NXN: variants seen among roughly 807,000 people sequenced by gnomAD.
NXN encodes the protein nucleoredoxin 1.
NXN carries 16 observed loss-of-function variants against 48.6 expected under a neutral mutation model. The observed-to-expected ratio is 0.33, with a 90% CI of 0.22 to 0.50. The LOEUF (loss-of-function observed/expected upper bound fraction) is 0.50, where lower values mean the gene tolerates loss of function less well. Among genes scored for constraint, NXN ranks in the 20% least tolerant of loss-of-function variants. NXN has a pLI of 0.98. For missense variants in NXN, 492 were observed against 605.5 expected, an observed-to-expected ratio of 0.81 and a Z score of 1.97; for synonymous variants, 281 against 269.6, an observed-to-expected ratio of 1.04 and a Z score of -0.41.
intron 5 of NXN, among the ~76,000 whole-genome samples, chr17:815,141 G>C (rs888876637): frequency 2.0e-5 from 3 of 152,224 alleles, no homozygotes; most frequent in African/African-American, 7.2e-5. Context: ...GAAATTCAAA[G>C]TATACAAAAG....
chr17:816,332 T>C (rs1302199568), intron 5 of NXN, among the ~76,000 whole-genome samples: 1 of 127,472 alleles, frequency 7.8e-6, no homozygotes, highest in Non-Finnish European at 1.6e-5. Flanking sequence ...CCCCCAGACC[T>C]TCACTGTCCC....
intron 1 of NXN, among the ~76,000 whole-genome samples, chr17:885,825 C>T (rs1428089728): frequency 8.7e-5 from 13 of 149,872 alleles, no homozygotes; most frequent in South Asian, 6.4e-4. Flanking sequence ...GGACTACAGG[C>T]GCCCGCCACC....
At position 920,812 on chromosome 17, in the gene NXN, T is replaced by C. The variant is rs1202323977; in HGVS notation, c.360+58507A>G. Among the ~76,000 whole-genome samples, 1 of 150,638 alleles carries C rather than the reference T, an allele frequency of 6.6e-6. No homozygotes were observed. Among genetic ancestry groups the C allele is most frequent in the Non-Finnish European group, 1.5e-5 (1 of 67,720 alleles). Reference sequence around the variant, plus strand: ...ATCTCGGCTCGCTGCAACCTCTGCCTCCCGGGTTCAAGCGATTCTCTTGCC... The same window carrying C: ...ATCTCGGCTCGCTGCAACCTCTGCCCCCCGGGTTCAAGCGATTCTCTTGCC... On this transcript the variant is annotated intron_variant, in intron 1 of 7. Coordinates refer to ENST00000336868, the MANE Select transcript of NXN (RefSeq NM_022463.5). The surrounding 1 kb of genome is among the most constrained non-coding windows in gnomAD (Gnocchi z 4.6).
At chr17:835,464 G>A (rs145262652) in intron 1 of NXN, among the ~76,000 whole-genome samples, 6 of 152,158 alleles carry the variant, frequency 3.9e-5, no homozygotes, top group African/African-American at 9.6e-5. Flanking sequence ...AAATGGAAAC[G>A]GATGACAAAG....
chr17:855,531 G>C (rs988224470), intron 1 of NXN, among the ~76,000 whole-genome samples: 9 of 152,166 alleles, frequency 5.9e-5, no homozygotes, highest in African/African-American at 1.9e-4. Flanking sequence ...TTCACGAACA[G>C]GTTTGTTGAA....
Position 863,111 on chromosome 17 carries a change from C to T in NXN, c.361-37033G>A, listed in dbSNP as rs532979876. ...AGTCCCACAATCAGCCCAGCAGAGCCTGAGTGTAGGAAAAACCAGCCTCTG... is the reference window on the plus strand; with the variant it reads ...AGTCCCACAATCAGCCCAGCAGAGCTTGAGTGTAGGAAAAACCAGCCTCTG... On this transcript the variant is annotated intron_variant, in intron 1 of 7. Coordinates refer to ENST00000336868, the MANE Select transcript of NXN (RefSeq NM_022463.5). Among the ~76,000 whole-genome samples, 121 of 152,272 alleles carry T rather than the reference C, an allele frequency of 7.9e-4. 2 individuals are homozygous for T. In the South Asian group the frequency reaches 0.024, roughly 30 times the overall value.
In NXN at chr17:822,474, C is replaced by T. The variant is rs751728110; in HGVS notation, c.613-17G>A. On this transcript the variant is annotated splice_polypyrimidine_tract_variant and intron_variant, in intron 3 of 7. Transcript: ENST00000336868. ...GGGCGGACACTGAAAGACAGGACAG[C>T]AAGACCCGCTGCGTCACGCTGCTTC... 5.7e-6 allele frequency: 9 copies of T among 1,591,658 alleles called. No homozygotes were observed. Among genetic ancestry groups the T allele is most frequent in the African/African-American group, 1.3e-5 (1 of 74,434 alleles).
intron 1 of NXN, among the ~76,000 whole-genome samples, chr17:915,684 G>A (rs191942027): frequency 6.6e-6 from 1 of 152,266 alleles, no homozygotes; most frequent in Admixed American, 6.5e-5. Flanking sequence ...AAATAACAAG[G>A]ATACCCCAGG....
intron 1 of NXN, among the ~76,000 whole-genome samples, chr17:960,594 T>A (rs999359869): frequency 2.5e-5 from 3 of 119,774 alleles, no homozygotes; most frequent in African/African-American, 8.1e-5. Context: ...TGCTTCCACC[T>A]CAGCATCCTG....
chr17:815,065 C>G (rs1912392833), intron 5 of NXN, among the ~76,000 whole-genome samples: 1 of 152,218 alleles, frequency 6.6e-6, no homozygotes, highest in African/African-American at 2.4e-5. Flanking sequence ...CATGCCTAGG[C>G]AGTAGTTACA....
intron 1 of NXN, among the ~76,000 whole-genome samples, chr17:918,638 C>CA (rs112538680): frequency 0.058 from 8,796 of 151,910 alleles, 854 homozygotes; most frequent in African/African-American, 0.2. Flanking sequence ...ACTAAAAATA[C>CA]AAAAATTATC....
At chr17:890,474 C>T (rs370062893) in intron 1 of NXN, among the ~76,000 whole-genome samples, 16 of 151,954 alleles carry the variant, frequency 1.1e-4, no homozygotes, top group Non-Finnish European at 1.8e-4. Context: ...CCCGGGTTCA[C>T]GCCATTCTCC....
rs1265513589 is a variant in NXN at position 979,750 on chromosome 17, G to GCGT, written c.-75_-73dup. The GCGT allele has an allele frequency of 8.2e-7, 1 of 1,217,040 alleles. No individual in the cohort carries two copies. Among genetic ancestry groups the GCGT allele is most frequent in the East Asian group, 3.5e-5 (1 of 28,954 alleles). 75.4% of individuals were successfully genotyped at this position (1,217,040 alleles called of 1,614,324 possible). ...GTCCGCGCGGCGGGAGGAGGCGGCG[G>GCGT]CGTCGGCGGCAGGCGCTGGGGAGAG... On this transcript the variant is annotated 5_prime_UTR_variant, in exon 1 of 8. Coordinates refer to ENST00000336868, the MANE Select transcript of NXN (RefSeq NM_022463.5).
At chr17:929,128 T>A (rs1397790372) in intron 1 of NXN, among the ~76,000 whole-genome samples, 1 of 152,138 alleles carries the variant, frequency 6.6e-6, no homozygotes, top group South Asian at 2.1e-4. Flanking sequence ...AAAACCCAGT[T>A]TGTTAGCTTG....
chr17:859,530 G>A (rs542005903), intron 1 of NXN, among the ~76,000 whole-genome samples: 2 of 152,282 alleles, frequency 1.3e-5, no homozygotes, highest in East Asian at 3.9e-4. Context: ...GCAGGAGGGA[G>A]GGGATTAGGA....
At chr17:975,901 C>G (rs2069452141) in intron 1 of NXN, among the ~76,000 whole-genome samples, 1 of 152,246 alleles carries the variant, frequency 6.6e-6, no homozygotes, top group Non-Finnish European at 1.5e-5. Context: ...CATTCCTTCT[C>G]TCTAGAAATG....
intron 1 of NXN, among the ~76,000 whole-genome samples, chr17:946,146 T>C (rs1168653540): frequency 6.6e-6 from 1 of 151,992 alleles, no homozygotes; most frequent in Non-Finnish European, 1.5e-5. Context: ...TATCTCTTTT[T>C]TTTTTTTGAG....
chr17:895,583 T>G (rs12948191), intron 1 of NXN, among the ~76,000 whole-genome samples: 2 of 149,494 alleles, frequency 1.3e-5, no homozygotes, highest in African/African-American at 2.5e-5. Flanking sequence ...GAGGTCGAGG[T>G]GGGCGGATCA....
intron 1 of NXN, among the ~76,000 whole-genome samples, chr17:840,341 TTC>T (rs1347851214): frequency 6.7e-6 from 1 of 150,170 alleles, no homozygotes; most frequent in East Asian, 2.1e-4. Context: ...GTGCAGAGAC[TTC>T]TTTTTTTTTT....
Sources: allele counts gnomAD v4.1 joint callset (sites outside exome capture counted in the v4.1 genomes callset), GRCh38; gene constraint gnomAD v4.1.1; non-coding constraint Gnocchi (gnomAD v3.1); transcripts MANE v1.5; gene names NCBI Gene and HGNC (gene_info 2026-07-23, HGNC 2026-07-21).